Variants in ADRM1 observed in about 807,000 individuals in gnomAD.
ADRM1 encodes proteasomal ubiquitin receptor ADRM1.
A neutral mutation model predicts 40.1 loss-of-function variants in ADRM1; 2 were observed. The ratio of observed to expected loss-of-function variants is 0.05; its 90% CI spans 0.02 to 0.16. The LOEUF (loss-of-function observed/expected upper bound fraction) is 0.16. Ranked by LOEUF, ADRM1 falls within the 10% of genes least tolerant of loss-of-function variation. The pLI, the probability that ADRM1 is intolerant of heterozygous loss-of-function variation, is 1.00. For missense variants in ADRM1, 467 were observed against 552.5 expected, an observed-to-expected ratio of 0.85 and a Z score of 1.55; for synonymous variants, 287 against 240.4, an observed-to-expected ratio of 1.19 and a Z score of -1.79.
chr20:62,308,856 C>T lies in ADRM1; in HGVS notation c.*95C>T, dbSNP rs1224952966. 1.2e-5 allele frequency: 18 copies of T among 1,512,076 alleles called. No individual in the cohort carries two copies. The highest frequency in any genetic ancestry group is 9.0e-5 in the Admixed American group (4 of 44,480). The allele number at this position is 1,512,076 out of a possible 1,614,324, so 93.7% of individuals were successfully genotyped here. A position where few individuals can be genotyped will look rare whatever the true frequency, so the allele number is the denominator to read the frequency against. On this transcript the variant is annotated 3_prime_UTR_variant, in exon 10 of 10. Coordinates refer to ENST00000253003, the MANE Select transcript of ADRM1 (RefSeq NM_007002.4). The stretch of plus-strand genomic sequence containing the variant: ...TTATTAATAAAGTCTTTTCTTTTAC[C>T]TGCCAATGCTTAGTTTCTTTGCCCA...
At chr20:62,304,691 G>C in intron 3 of ADRM1, 114 bp downstream of exon 3, 1 of 1,011,192 alleles carries the variant, frequency 9.9e-7, no homozygotes, top group South Asian at 1.3e-5. Context: ...GGCCACACCC[G>C]GCCACACGGC....
At chr20:62,306,101 C>G in intron 3 of ADRM1, 96 bp from the exon 4 acceptor site, 1 of 1,519,014 alleles carries the variant, frequency 6.6e-7, no homozygotes. Flanking sequence ...CTCTGCGTCT[C>G]AGGTCCCTCA....
Position 62,305,013 on chromosome 20 carries a change from G to A in ADRM1, c.330+436G>A, listed in dbSNP as rs1984688582. ...CTGGCAGTGTGTCCTGGAGGCCAGG[G>A]GTGTCAGTGCCCAGGGTTTCTCTTA... On this transcript the variant is annotated intron_variant, in intron 3 of 9. Transcript: ENST00000253003. 2.0e-5 allele frequency among the ~76,000 whole-genome samples: 3 copies of A among 152,218 alleles called. No homozygotes were observed. In the South Asian group the frequency reaches 6.2e-4, roughly 31 times the overall value.
Position 62,308,696 on chromosome 20 carries a change from C to A in ADRM1, c.1159C>A (p.Pro387Thr), listed in dbSNP as rs749882447. 6.2e-7 allele frequency: 1 copy of A among 1,612,844 alleles called. No individual in the cohort carries two copies. The highest frequency in any genetic ancestry group is 1.3e-5 in the African/African-American group (1 of 74,918). Residue 387 changes from proline to threonine, a missense_variant, in exon 10 of 10, where the codon CCC becomes ACC. Transcript: ENST00000253003. ...FAKAMQNNAKPEQKEGDTKDK... is the reference protein window; with the variant it reads ...FAKAMQNNAKTEQKEGDTKDK... ...CAAAGCCATGCAGAACAACGCCAAGCCCGAGCAGAAAGAGGGCGACACGAA... is the reference window on the plus strand; with the variant it reads ...CAAAGCCATGCAGAACAACGCCAAGACCGAGCAGAAAGAGGGCGACACGAA...
Position 62,306,671 on chromosome 20 carries a change from C to G in ADRM1, c.478C>G (p.Leu160Val). ...AGGTGAGGGTGGCCTGCAGAGCCTG[C>G]TGGGAAACATGAGCCACAGCCAGCT... Reference protein sequence around the residue: ...LGGEGGLQSLLGNMSHSQLMQ... With the variant: ...LGGEGGLQSLVGNMSHSQLMQ... The change falls in exon 5 of 10, where the codon CTG (leucine) becomes GTG (valine). Residue 160 changes from leucine to valine, a missense_variant. Around this residue, in one of 3 missense-constraint regions of ADRM1, gnomAD observed 418 missense variants for 474.6 expected, o/e 0.88. Transcript: ENST00000253003. 1.2e-6 allele frequency: 2 copies of G among 1,609,836 alleles called. No individual in the cohort carries two copies. Among genetic ancestry groups the G allele is most frequent in the Non-Finnish European group, 1.7e-6 (2 of 1,178,604 alleles).
At chr20:62,308,600 A>AT (rs1324800063) in intron 9 of ADRM1, 55 bp from the exon 10 acceptor site, 2 of 1,602,078 alleles carry the variant, frequency 1.2e-6, no homozygotes, top group African/African-American at 2.7e-5. Context: ...CATCGCTTTG[A>AT]TCCCCAGTTC....
chr20:62,306,319 C>G lies in ADRM1; in HGVS notation c.453C>G (p.Gly151=), dbSNP rs372137644. 6.2e-7 allele frequency: 1 copy of G among 1,612,704 alleles called. No individual in the cohort carries two copies. The highest frequency in any genetic ancestry group is 8.5e-7 in the Non-Finnish European group (1 of 1,179,850). ...GSSGHELSAL[G]GEGGLQSLLG... The stretch of plus-strand genomic sequence containing the variant: ...GCGGCCACGAACTCTCTGCGCTAGG[C>G]GGTAACTGTCACATGTGTCACGTGA... The change falls in exon 4 of 10, where the codon GGC becomes GGG. Residue 151 remains glycine, a splice_region_variant and synonymous_variant. Coordinates refer to ENST00000253003, the MANE Select transcript of ADRM1 (RefSeq NM_007002.4).
intron 7 of ADRM1, 39 bp downstream of exon 7, chr20:62,307,867 G>C: frequency 1.9e-6 from 3 of 1,571,400 alleles, no homozygotes; most frequent in Non-Finnish European, 1.7e-6. Context: ...TGGGGGGCAT[G>C]GGGCCTGCTG....
intron 7 of ADRM1, 43 bp downstream of exon 7, chr20:62,307,871 C>T: frequency 1.3e-6 from 2 of 1,567,756 alleles, no homozygotes; most frequent in Non-Finnish European, 1.7e-6. Flanking sequence ...GGGCATGGGG[C>T]CTGCTGACCC....
At position 62,306,257 on chromosome 20, in the gene ADRM1, C is replaced by A. The variant is rs774277993; in HGVS notation, c.391C>A (p.Pro131Thr). ...CRKVNEYLNN[P>T]PMPGALGASG... Reference sequence around the variant, plus strand: ...GAAAGTCAACGAGTATCTGAACAACCCCCCGATGCCTGGGGCGCTGGGGGC... The same window carrying A: ...GAAAGTCAACGAGTATCTGAACAACACCCCGATGCCTGGGGCGCTGGGGGC... The change falls in exon 4 of 10, where the codon CCC becomes ACC. Residue 131 changes from proline to threonine, a missense_variant. Pro to Thr is a conservative substitution (Grantham distance 38). Transcript: ENST00000253003. The A allele has an allele frequency of 5.0e-6, 8 of 1,613,174 alleles. No individual in the cohort carries two copies. Among genetic ancestry groups the A allele is most frequent in the Non-Finnish European group, 6.8e-6 (8 of 1,179,922 alleles).
At chr20:62,307,137 A>C (rs947253416) in intron 5 of ADRM1, among the ~76,000 whole-genome samples, 26 of 152,302 alleles carry the variant, frequency 1.7e-4, no homozygotes, top group African/African-American at 6.0e-4. Context: ...TGAATCTTCT[A>C]ATCTAAGCAC....
At chr20:62,303,461 A>G (rs533449789) in intron 1 of ADRM1, 107 bp from the exon 2 acceptor site, 2 of 1,158,076 alleles carry the variant, frequency 1.7e-6, no homozygotes, top group African/African-American at 1.5e-5. Context: ...TGCCTTAGGC[A>G]GCTCTGGGCG....
chr20:62,303,918 G>A (rs1025213030), intron 2 of ADRM1, 137 bp downstream of exon 2: 17 of 803,816 alleles, frequency 2.1e-5, no homozygotes, highest in Non-Finnish European at 3.3e-5. Flanking sequence ...CTGCTGATGG[G>A]TCGTCCTGGT....
chr20:62,305,470 G>C (rs1350520641), intron 3 of ADRM1: 6 of 152,254 alleles, frequency 3.9e-5, no homozygotes, highest in Admixed American at 3.9e-4. Flanking sequence ...CACAGATGGC[G>C]GCCACAATTT....
Position 62,304,552 on chromosome 20 carries a change from C to G in ADRM1, c.305C>G (p.Ser102Cys). ...TACGTGCTGAAGTTCAAGGCAGGGTCCAAGCGGCTTTTCTTCTGGATGCAG... is the reference window on the plus strand; with the variant it reads ...TACGTGCTGAAGTTCAAGGCAGGGTGCAAGCGGCTTTTCTTCTGGATGCAG... ...RVYVLKFKAG[S>C]KRLFFWMQEP... The change falls in exon 3 of 10, where the codon TCC becomes TGC. Residue 102 changes from serine to cysteine, a missense_variant. Around this residue, in one of 3 missense-constraint regions of ADRM1, gnomAD observed 418 missense variants for 474.6 expected, o/e 0.88. Transcript: ENST00000253003. 1 of 1,614,012 alleles carries G rather than the reference C, an allele frequency of 6.2e-7. No individual in the cohort carries two copies. Among genetic ancestry groups the G allele is most frequent in the Non-Finnish European group, 8.5e-7 (1 of 1,179,962 alleles).
rs369505590 is a variant in ADRM1, at chr20:62,306,312, C to T, written c.446C>T (p.Ala149Val). 1.6e-5 allele frequency: 26 copies of T among 1,612,668 alleles called. 1 individual carries two copies. The highest frequency in any genetic ancestry group is 1.6e-4 in the Middle Eastern group (1 of 6,084). The change falls in exon 4 of 10, where the codon GCG becomes GTG. Residue 149 changes from alanine to valine, a missense_variant. By Grantham distance (64) the Ala-to-Val change is moderately conservative (BLOSUM62 0). Transcript: ENST00000253003. ...ASGSSGHELS[A>V]LGGEGGLQSL... ...GGAAGCAGCGGCCACGAACTCTCTG[C>T]GCTAGGCGGTAACTGTCACATGTGT... is the stretch of plus-strand genomic sequence containing the variant.
Position 62,307,400 on chromosome 20 carries a change from C to T in ADRM1, c.571C>T (p.Leu191=), listed in dbSNP as rs773877054. 2 of 1,605,426 alleles carry T rather than the reference C, an allele frequency of 1.2e-6. No individual in the cohort carries two copies. Among genetic ancestry groups the T allele is most frequent in the Admixed American group, 1.7e-5 (1 of 57,618 alleles). Residue 191 remains leucine (L), a synonymous_variant, in exon 6 of 10, where the codon CTG becomes TTG. Transcript: ENST00000253003. ...GCTGGGGGCCCTGACTGGACCTGGC[C>T]TGGCCAGCTTACTGGGGAGCAGTGG... is the stretch of plus-strand genomic sequence containing the variant. ...GGLGALTGPG[L]ASLLGSSGPP... is the part of the protein sequence containing the mutation.
chr20:62,307,401 T>C lies in ADRM1; in HGVS notation c.572T>C (p.Leu191Pro), dbSNP rs1296291061. 1.2e-6 allele frequency: 2 copies of C among 1,604,986 alleles called. No homozygotes were observed. Among genetic ancestry groups the C allele is most frequent in the Non-Finnish European group, 1.7e-6 (2 of 1,177,870 alleles). Residue 191 changes from leucine to proline, a missense_variant, in exon 6 of 10, where the codon CTG becomes CCG. Physicochemically the swap from Leu to Pro is moderately conservative, Grantham distance 98. Around this residue, in one of 3 missense-constraint regions of ADRM1, gnomAD observed 418 missense variants for 474.6 expected, o/e 0.88. Transcript: ENST00000253003. ...CTGGGGGCCCTGACTGGACCTGGCC[T>C]GGCCAGCTTACTGGGGAGCAGTGGG... ...GGLGALTGPG[L>P]ASLLGSSGPP...
rs576200449 is a variant in ADRM1, at chr20:62,307,800, A to G, written c.828A>G (p.Val276=). 39 of 1,609,380 alleles carry G rather than the reference A, an allele frequency of 2.4e-5. No individual in the cohort carries two copies. In the African/African-American group the frequency reaches 4.8e-4, roughly 20 times the overall value. ...AGAGCATCCTGGCCACGATGAACGT[A>G]CCAGCCGGGCCAGCAGGCGGCCAGC... ...DLQSILATMN[V]PAGPAGGQQV... The change falls in exon 7 of 10, where the codon GTA becomes GTG. Residue 276 remains valine (V), a synonymous_variant. Coordinates refer to ENST00000253003, the MANE Select transcript of ADRM1 (RefSeq NM_007002.4).
Sources: allele counts gnomAD v4.1 joint callset (sites outside exome capture counted in the v4.1 genomes callset), GRCh38; gene constraint gnomAD v4.1.1; regional missense constraint gnomAD v4.1.1; transcripts MANE v1.5; gene names NCBI Gene and HGNC (gene_info 2026-07-23, HGNC 2026-07-21).